Variants in RTL1 observed in about 807,000 individuals in gnomAD.
RTL1 encodes retrotransposon-like protein 1.
For synonymous variants in RTL1, 727 were observed against 748.4 expected, an observed-to-expected ratio of 0.97 and a Z score of 0.47; for missense variants, 1,681 against 1,767.5, an observed-to-expected ratio of 0.95 and a Z score of 0.88.
At chr14:100,901,063 GC>G (rs962564386) in intron 2 of RTL1, among the ~76,000 whole-genome samples, 10 of 152,098 alleles carry the variant, frequency 6.6e-5, no homozygotes, top group Non-Finnish European at 1.0e-4. Context: ...ACACGATGCT[GC>G]CCCCCCACGG....
chr14:100,882,923 C>T lies in RTL1; in HGVS notation c.1866G>A (p.Arg622=), dbSNP rs768667376. 6.2e-7 allele frequency: 1 copy of T among 1,610,182 alleles called. No homozygotes were observed. The highest frequency in any genetic ancestry group is 1.1e-5 in the South Asian group (1 of 90,252). The part of the protein sequence containing the change: ...STAPWEPVGA[R]MQERARLQEE... Reference sequence around the variant, plus strand: ...CCTGTAGCCTGGCTCTTTCTTGCATCCTGGCACCCACAGGTTCCCAAGGCG... The same window carrying T: ...CCTGTAGCCTGGCTCTTTCTTGCATTCTGGCACCCACAGGTTCCCAAGGCG... Residue 622 remains arginine (R), a synonymous_variant, in exon 4 of 4, where the codon AGG becomes AGA. Transcript: ENST00000649591.
In RTL1 at chr14:100,882,377, G is replaced by A. The variant is rs1408792395; in HGVS notation, c.2412C>T (p.Gly804=). 2 of 1,551,788 alleles carry A rather than the reference G, an allele frequency of 1.3e-6. No homozygotes were observed. The highest frequency in any genetic ancestry group is 2.4e-5 in the East Asian group (1 of 40,910). The change falls in exon 4 of 4, where the codon GGC becomes GGT. Residue 804 remains glycine, a synonymous_variant. Coordinates refer to ENST00000649591, the MANE Select transcript of RTL1 (RefSeq NM_001134888.3). The part of the protein sequence containing the change: ...MTIITGYPTP[G]SKLSLRNFIE... Reference sequence around the variant, plus strand: ...TGAAGTTTCGCAGAGATAGCTTGGAGCCAGGGGTAGGGTACCCTGTTATGA... The same window carrying A: ...TGAAGTTTCGCAGAGATAGCTTGGAACCAGGGGTAGGGTACCCTGTTATGA...
chr14:100,882,545 G>T lies in RTL1; in HGVS notation c.2244C>A (p.His748Gln). The T allele has an allele frequency of 6.4e-7, 1 of 1,551,842 alleles. No homozygotes were observed. Reference sequence around the variant, plus strand: ...GGAAGCGGACCAGGACTTGGCGGACGTGGTGGAGGTGCTCCTCCTGACTCA... The same window carrying T: ...GGAAGCGGACCAGGACTTGGCGGACTTGGTGGAGGTGCTCCTCCTGACTCA... ...YSMSQEEHLH[H>Q]VRQVLVRFRH... Residue 748 changes from histidine (H) to glutamine (Q), a missense_variant, in exon 4 of 4, where the codon CAC becomes CAA. By Grantham distance (24) the His-to-Gln change is conservative. Coordinates refer to ENST00000649591, the MANE Select transcript of RTL1 (RefSeq NM_001134888.3).
chr14:100,880,375 C>T lies in RTL1; in HGVS notation c.*337G>A, dbSNP rs766077372. On this transcript the variant is annotated 3_prime_UTR_variant, in exon 4 of 4. Coordinates refer to ENST00000649591, the MANE Select transcript of RTL1 (RefSeq NM_001134888.3). ...TTGGCTGCGCCTGCTGTGCCTGCTT[C>T]TTCATCTGGCCACGCGTCATGGGGT... is the stretch of plus-strand genomic sequence containing the variant. 1.3e-5 allele frequency among the ~76,000 whole-genome samples: 2 copies of T among 152,124 alleles called. No homozygotes were observed. Among genetic ancestry groups the T allele is most frequent in the Non-Finnish European group, 2.9e-5 (2 of 68,016 alleles).
At position 100,879,920 on chromosome 14, in the gene RTL1, G is replaced by T. The variant is rs575374456; in HGVS notation, c.*792C>A. On this transcript the variant is annotated 3_prime_UTR_variant, in exon 4 of 4. Coordinates refer to ENST00000649591, the MANE Select transcript of RTL1 (RefSeq NM_001134888.3). ...GTGTGCCTTCTGGGACTCCATCCCT[G>T]TATGAGGGGCCCCTGCACCCCTGCA... Among the ~76,000 whole-genome samples the T allele has an allele frequency of 7.9e-5, 12 of 152,066 alleles. No individual in the cohort carries two copies. Among genetic ancestry groups the T allele is most frequent in the Non-Finnish European group, 1.6e-4 (11 of 67,986 alleles).
At chr14:100,885,599 C>T (rs1000212566) in intron 3 of RTL1, among the ~76,000 whole-genome samples, 4 of 148,794 alleles carry the variant, frequency 2.7e-5, no homozygotes, top group Non-Finnish European at 5.9e-5. Flanking sequence ...TTACTTGATT[C>T]TAACTCAGAC....
chr14:100,902,152 TCGCAC>T (rs2038950861), intron 2 of RTL1, among the ~76,000 whole-genome samples: 1 of 152,220 alleles, frequency 6.6e-6, no homozygotes, highest in South Asian at 2.1e-4. Flanking sequence ...TGCTCAGGGC[TCGCAC>T]GCAGAGCTGC....
rs1383674314 is a variant in RTL1 at position 100,881,888 on chromosome 14, G to C, written c.2901C>G (p.Pro967=). The C allele has an allele frequency of 6.2e-7, 1 of 1,613,502 alleles. No homozygotes were observed. Among genetic ancestry groups the C allele is most frequent in the East Asian group, 2.2e-5 (1 of 44,876 alleles). The stretch of plus-strand genomic sequence containing the variant: ...GGGAGAAGAAGAAGACCCAATGCCC[G>C]GGGAGAAGTACGGTGAGCCTGTCAT... ...LNNDRLTVLL[P]GHWVFFFSHF... The change falls in exon 4 of 4, where the codon CCC becomes CCG. Residue 967 remains proline (P), a synonymous_variant. Transcript: ENST00000649591. The surrounding 1 kb of genome is among the most constrained non-coding windows in gnomAD (Gnocchi z 6.6).
rs370765201 is a variant in RTL1 at position 100,884,477 on chromosome 14, G to C, written c.312C>G (p.Asn104Lys). ...DLLQDLEESC[N>K]GSHQARGDPL... ...GATCCCCCCTTGCCTGGTGTGAACC[G>C]TTGCATGACTCCTCCAGGTCTTGGA... is the stretch of plus-strand genomic sequence containing the variant. The change falls in exon 4 of 4, where the codon AAC becomes AAG. Residue 104 changes from asparagine to lysine, a missense_variant. Asn to Lys is a moderately conservative substitution (Grantham distance 94). Coordinates refer to ENST00000649591, the MANE Select transcript of RTL1 (RefSeq NM_001134888.3). 1 of 1,614,052 alleles carries C rather than the reference G, an allele frequency of 6.2e-7. No homozygotes were observed. The highest frequency in any genetic ancestry group is 8.5e-7 in the Non-Finnish European group (1 of 1,180,036).
chr14:100,894,327 GAAAAA>G (rs1187107562), intron 2 of RTL1, among the ~76,000 whole-genome samples: 1 of 126,038 alleles, frequency 7.9e-6, no homozygotes, highest in Non-Finnish European at 1.7e-5. Flanking sequence ...AAAAAAAAAA[GAAAAA>G]AAAAGAAAAG....
rs1468275514 is a variant in RTL1 at position 100,880,744 on chromosome 14, G to T, written c.4045C>A (p.Pro1349Thr). ...PREQARLEEL[P>T]DEDEDANLD ...AGGTTAGCATCTTCGTCCTCATCAG[G>T]CAGCTCTTCTAGCCTTGCCTGCTCC... The change falls in exon 4 of 4, where the codon CCT (proline) becomes ACT (threonine). Residue 1349 changes from proline to threonine, a missense_variant. Pro to Thr is a conservative substitution (Grantham distance 38, BLOSUM62 -1). Coordinates refer to ENST00000649591, the MANE Select transcript of RTL1 (RefSeq NM_001134888.3). 6.4e-7 allele frequency: 1 copy of T among 1,550,840 alleles called. No homozygotes were observed.
Position 100,880,332 on chromosome 14 carries a change from G to A in RTL1, c.*380C>T, listed in dbSNP as rs578132621. ...TGGCCATCACCAGGCCGGGTGGGGG[G>A]CCCCGTCACCTGCTTGCTTGGCTGC... On this transcript the variant is annotated 3_prime_UTR_variant, in exon 4 of 4. Coordinates refer to ENST00000649591, the MANE Select transcript of RTL1 (RefSeq NM_001134888.3). 3.1e-4 allele frequency among the ~76,000 whole-genome samples: 47 copies of A among 152,124 alleles called. No homozygotes were observed. The South Asian group carries it at 9.1e-3, about 30-fold the overall frequency.
chr14:100,890,074 G>GGAAAA (rs554899525), intron 3 of RTL1, among the ~76,000 whole-genome samples: 28 of 123,872 alleles, frequency 2.3e-4, no homozygotes, highest in Middle Eastern at 4.8e-3. Flanking sequence ...CGCCTTATTT[G>GGAAAA]AAAAAAAAAA....
At chr14:100,903,544 C>G (rs1473947718) in intron 1 of RTL1, among the ~76,000 whole-genome samples, 61 bp downstream of exon 1, 1 of 152,162 alleles carries the variant, frequency 6.6e-6, no homozygotes, top group African/African-American at 2.4e-5. Context: ...ACACTGGTCT[C>G]ATGAGCCCCA....
In RTL1 at chr14:100,884,343, G is replaced by A; in HGVS notation, c.446C>T (p.Thr149Ile). ...CTCGGTCTGGTTTTGCTCTTGAGGA[G>A]TCTCCTCCCTTCCCGATTCCTTCAG... Reference protein sequence around the residue: ...TDLKESGREETPQEQNQTEHS... With the variant: ...TDLKESGREEIPQEQNQTEHS... Residue 149 changes from threonine to isoleucine, a missense_variant, in exon 4 of 4, where the codon ACT becomes ATT. Transcript: ENST00000649591. The A allele has an allele frequency of 6.4e-7, 1 of 1,554,348 alleles. No homozygotes were observed. The highest frequency in any genetic ancestry group is 8.7e-7 in the Non-Finnish European group (1 of 1,148,070).
chr14:100,901,410 A>G (rs1431204920), intron 2 of RTL1, among the ~76,000 whole-genome samples: 2 of 152,190 alleles, frequency 1.3e-5, no homozygotes, highest in Non-Finnish European at 2.9e-5. Context: ...GTCCCCTGAT[A>G]AAGGTCCCAC....
At chr14:100,887,986 T>C (rs1230408291) in intron 3 of RTL1, among the ~76,000 whole-genome samples, 1 of 152,218 alleles carries the variant, frequency 6.6e-6, no homozygotes, top group Non-Finnish European at 1.5e-5. Flanking sequence ...AGTGGTCTGA[T>C]GCTTATTCAT....
chr14:100,896,599 G>A (rs2038859186), intron 2 of RTL1, among the ~76,000 whole-genome samples: 1 of 151,686 alleles, frequency 6.6e-6, no homozygotes, highest in South Asian at 2.1e-4. Flanking sequence ...CAGGAGCTGG[G>A]GACAGAGGGG....
At position 100,882,809 on chromosome 14, in the gene RTL1, G is replaced by A. The variant is rs533470449; in HGVS notation, c.1980C>T (p.Ala660=). The change falls in exon 4 of 4, where the codon GCC becomes GCT. Residue 660 remains alanine, a synonymous_variant. Coordinates refer to ENST00000649591, the MANE Select transcript of RTL1 (RefSeq NM_001134888.3). ...IPELFDQLHG[A]EWFTKLELRG... Reference sequence around the variant, plus strand: ...GCAGCTCCAGTTTTGTGAACCACTCGGCTCCGTGTAACTGGTCAAACAGTT... The same window carrying A: ...GCAGCTCCAGTTTTGTGAACCACTCAGCTCCGTGTAACTGGTCAAACAGTT... 6.4e-7 allele frequency: 1 copy of A among 1,551,950 alleles called. No homozygotes were observed. Among genetic ancestry groups the A allele is most frequent in the South Asian group, 1.2e-5 (1 of 84,104 alleles).
Sources: gnomAD v4.1 joint callset for allele counts (sites outside exome capture counted in the v4.1 genomes callset) on GRCh38, gnomAD v4.1.1 for gene constraint, Gnocchi (gnomAD v3.1) non-coding constraint, MANE v1.5 for transcripts, NCBI Gene and HGNC (gene_info 2026-07-23, HGNC 2026-07-21) for gene names.